The following PCDHGB1 variants were observed in gnomAD, a reference collection of about 807,000 sequenced individuals.
The protein encoded by PCDHGB1 is protocadherin gamma-B1.
Under a neutral mutation model 56.6 loss-of-function variants are expected in PCDHGB1, and 34 were observed. The ratio of observed to expected loss-of-function variants is 0.60; its 90% confidence interval spans 0.46 to 0.80. PCDHGB1 has a LOEUF of 0.80. Among genes scored for constraint, PCDHGB1 ranks in the 30% least tolerant of loss-of-function variants. The pLI is 0.00. For missense variants in PCDHGB1, 1,278 were observed against 1,204.6 expected (o/e 1.06, Z -0.90); for synonymous variants, 561 against 505.9 (o/e 1.11, Z -1.46).
In PCDHGB1 at chr5:141,476,016, G is replaced by C; in HGVS notation, c.2410-18791G>C. On this transcript the variant is annotated intron_variant, in intron 1 of 3. Transcript: ENST00000523390. This position sits in a 1 kb window ranked among gnomAD's most constrained non-coding sequence, Gnocchi z 7.6. ...TCAACGGCATCCAGAAAGCCATGTC[G>C]GACTCGGCGCCCAGCGCCCAAGCGC... 1 of 1,359,386 alleles carries C rather than the reference G, an allele frequency of 7.4e-7. No homozygotes were observed. The highest frequency in any genetic ancestry group is 2.3e-5 in the East Asian group (1 of 43,300). 84.2% of individuals were successfully genotyped at this position (1,359,386 alleles called of 1,614,324 possible).
intron 1 of PCDHGB1, among the ~76,000 whole-genome samples, chr5:141,397,268 T>C (rs532503951): frequency 2.0e-5 from 3 of 152,180 alleles, no homozygotes; most frequent in African/African-American, 7.2e-5. Flanking sequence ...CTTAGCTACA[T>C]CATATGGGCA....
chr5:141,404,240 C>T, intron 1 of PCDHGB1: 1 of 1,613,660 alleles, frequency 6.2e-7, no homozygotes, highest in East Asian at 2.2e-5. Context: ...CAGAGGAACT[C>T]CGCCCCTGTC....
At chr5:141,497,745 G>C (rs1475395529) in intron 2 of PCDHGB1, among the ~76,000 whole-genome samples, 1 of 152,070 alleles carries the variant, frequency 6.6e-6, no homozygotes, top group Non-Finnish European at 1.5e-5. Flanking sequence ...CGCCACGTTG[G>C]CCAGGCTGGT....
Position 141,459,075 on chromosome 5 carries a change from G to C in PCDHGB1, c.2410-35732G>C, listed in dbSNP as rs562572838. ...GTATAATTTATATAACATAAAATTT[G>C]CCTTTTAAAATTATACAGTGCAATG... On this transcript the variant is annotated intron_variant, in intron 1 of 3. Transcript: ENST00000523390. 4.6e-5 allele frequency among the ~76,000 whole-genome samples: 7 copies of C among 152,252 alleles called. No individual in the cohort carries two copies. The East Asian group carries it at 1.4e-3, about 29-fold the overall frequency.
rs759160174 is a variant in PCDHGB1, at chr5:141,385,062, G to T, written c.2409+32393G>T. 2.1e-5 allele frequency: 34 copies of T among 1,614,044 alleles called. No homozygotes were observed. In the South Asian group the frequency reaches 3.4e-4, roughly 16 times the overall value. On this transcript the variant is annotated intron_variant, in intron 1 of 3. Transcript: ENST00000523390. ...CGCTCAGGCTGCGGCGCTGGCACAA[G>T]TCACGCCTGCTGCAGGCTTCAGAAG... is the stretch of plus-strand genomic sequence containing the variant.
intron 1 of PCDHGB1, chr5:141,370,437 C>T: frequency 1.2e-6 from 2 of 1,603,790 alleles, no homozygotes; most frequent in Non-Finnish European, 1.7e-6. Flanking sequence ...AGGGCAGAGG[C>T]GAATGCTATT....
chr5:141,394,173 C>T, intron 1 of PCDHGB1: 1 of 1,613,948 alleles, frequency 6.2e-7, no homozygotes, highest in Non-Finnish European at 8.5e-7. Flanking sequence ...TACTTTCCCT[C>T]ATGCCTCCTA....
chr5:141,404,314 A>G (rs772060934), intron 1 of PCDHGB1: 1 of 1,613,922 alleles, frequency 6.2e-7, no homozygotes, highest in East Asian at 2.2e-5. Context: ...CTTTCTCTCA[A>G]GCCTCCTACT....
chr5:141,404,001 C>T, intron 1 of PCDHGB1: 8 of 1,613,870 alleles, frequency 5.0e-6, no homozygotes, highest in South Asian at 1.1e-5. Context: ...GTGACCATTA[C>T]ATCTCTGTTT....
chr5:141,423,758 G>C lies in PCDHGB1; in HGVS notation c.2410-71049G>C, dbSNP rs1192987646. 54 of 366,760 alleles carry C rather than the reference G, an allele frequency of 1.5e-4. 3 individuals carry two copies. The highest frequency in any genetic ancestry group is 1.4e-4 in the Non-Finnish European group (36 of 259,732). 22.7% of individuals were successfully genotyped at this position (366,760 alleles called of 1,614,324 possible). A position where few individuals can be genotyped will look rare whatever the true frequency, so the allele number is the denominator to read the frequency against. Reference sequence around the variant, plus strand: ...CTGTTATGAAAACTGTTTGGGGGGGGGGTGGGGCGGCATATATTTAGTTCA... The same window carrying C: ...CTGTTATGAAAACTGTTTGGGGGGGCGGTGGGGCGGCATATATTTAGTTCA... On this transcript the variant is annotated intron_variant, in intron 1 of 3. Transcript: ENST00000523390.
chr5:141,384,022 G>C, intron 1 of PCDHGB1: 3 of 1,613,680 alleles, frequency 1.9e-6, no homozygotes, highest in Non-Finnish European at 2.5e-6. Context: ...ACAAGACAGA[G>C]ATTCTGGAAA....
At chr5:141,407,370 A>G (rs1434825695) in intron 1 of PCDHGB1, among the ~76,000 whole-genome samples, 2 of 152,228 alleles carry the variant, frequency 1.3e-5, no homozygotes, top group Non-Finnish European at 2.9e-5. Flanking sequence ...ACAGATATCC[A>G]TGAAGGCTTG....
chr5:141,462,599 T>TGG (rs2099043404), intron 1 of PCDHGB1, among the ~76,000 whole-genome samples: 1 of 152,208 alleles, frequency 6.6e-6, no homozygotes, highest in African/African-American at 2.4e-5. Context: ...CCATTTCATA[T>TGG]ATTGTATTTT....
chr5:141,392,081 T>A lies in PCDHGB1; in HGVS notation c.2409+39412T>A, dbSNP rs376097159. 3.3e-5 allele frequency: 5 copies of A among 152,350 alleles called. No individual in the cohort carries two copies. In the East Asian group the frequency reaches 7.7e-4, roughly 23 times the overall value. The allele number at this position is 152,350 out of a possible 1,614,324, so 9.4% of individuals were successfully genotyped here. A position where few individuals can be genotyped will look rare whatever the true frequency, so the allele number is the denominator to read the frequency against. On this transcript the variant is annotated intron_variant, in intron 1 of 3. Coordinates refer to ENST00000523390, the MANE Select transcript of PCDHGB1 (RefSeq NM_018922.3). ...TATCGACATGTAATTCAAGTGGCAT[T>A]TAGAAGAATAATTTAAAAGCAACAA...
At chr5:141,357,688 C>G in intron 1 of PCDHGB1, 1 of 1,562,846 alleles carries the variant, frequency 6.4e-7, no homozygotes, top group Non-Finnish European at 8.7e-7. Flanking sequence ...AAATGTCTCT[C>G]ATTTTATATG....
intron 1 of PCDHGB1, chr5:141,417,885 G>T (rs761442517): frequency 3.8e-6 from 6 of 1,562,926 alleles, no homozygotes; most frequent in South Asian, 1.2e-5. Context: ...GCGCAGAGGC[G>T]CCGGGCCGGC....
chr5:141,352,377 C>T lies in PCDHGB1; in HGVS notation c.2117C>T (p.Ala706Val). Residue 706 changes from alanine (A) to valine (V), a missense_variant, in exon 1 of 4, where the codon GCG becomes GTG. Ala to Val is a moderately conservative substitution (Grantham distance 64, BLOSUM62 0). Coordinates refer to ENST00000523390, the MANE Select transcript of PCDHGB1 (RefSeq NM_018922.3). ...SVLFLLAVILAIALRLRRSSS... is the reference protein window; with the variant it reads ...SVLFLLAVILVIALRLRRSSS... Reference sequence around the variant, plus strand: ...CTCTTTCTCCTCGCGGTGATTCTAGCGATCGCCCTGCGCCTGCGACGTTCC... The same window carrying T: ...CTCTTTCTCCTCGCGGTGATTCTAGTGATCGCCCTGCGCCTGCGACGTTCC... 6.2e-7 allele frequency: 1 copy of T among 1,614,038 alleles called. No homozygotes were observed. The highest frequency in any genetic ancestry group is 8.5e-7 in the Non-Finnish European group (1 of 1,179,902).
intron 1 of PCDHGB1, chr5:141,468,682 C>A (rs377685711): frequency 4.6e-5 from 7 of 151,296 alleles, no homozygotes; most frequent in African/African-American, 1.7e-4. Context: ...CTGGCTAACA[C>A]GGTGAAACCC....
At chr5:141,464,000 T>C (rs1045842127) in intron 1 of PCDHGB1, among the ~76,000 whole-genome samples, 15 of 152,158 alleles carry the variant, frequency 9.9e-5, no homozygotes, top group Non-Finnish European at 1.3e-4. Context: ...GTGCAGTGGC[T>C]CATGCTTGTA....
Sources: allele counts gnomAD v4.1 joint callset (sites outside exome capture counted in the v4.1 genomes callset), GRCh38; gene constraint gnomAD v4.1.1; non-coding constraint Gnocchi (gnomAD v3.1); transcripts MANE v1.5; gene names NCBI Gene and HGNC (gene_info 2026-07-23, HGNC 2026-07-21).